The following RBFOX3 variants were observed in gnomAD, a reference collection of about 807,000 sequenced individuals.
RBFOX3 encodes RNA binding fox-1 homolog 3, also known as RNA binding protein fox-1 homolog 3.
Under a neutral mutation model 48.7 loss-of-function variants are expected in RBFOX3, and 17 were observed. The ratio of observed to expected loss-of-function variants is 0.35; its 90% CI spans 0.24 to 0.52. RBFOX3 has a LOEUF of 0.52. Ranked by LOEUF, RBFOX3 falls within the 20% of genes least tolerant of loss-of-function variation. The pLI is 0.94. For missense variants in RBFOX3, 382 were observed against 497.5 expected (o/e 0.77, Z 2.21); for synonymous variants, 212 against 209.5 (o/e 1.01, Z -0.10).
intron 1 of RBFOX3, among the ~76,000 whole-genome samples, chr17:79,567,687 G>A (rs1390079228): frequency 1.3e-5 from 2 of 152,160 alleles, no homozygotes; most frequent in East Asian, 3.8e-4. Flanking sequence ...AAATAAACTA[G>A]GTGACTCCTT....
chr17:79,124,296 A>G (rs2036570319), intron 4 of RBFOX3, among the ~76,000 whole-genome samples: 1 of 152,226 alleles, frequency 6.6e-6, no homozygotes, highest in Non-Finnish European at 1.5e-5. Context: ...GCTCCCTTCA[A>G]TCACACAGCA....
At chr17:79,584,719 T>G (rs2093183707) in intron 1 of RBFOX3, among the ~76,000 whole-genome samples, 3 of 152,174 alleles carry the variant, frequency 2.0e-5, no homozygotes, top group African/African-American at 7.2e-5. Flanking sequence ...AGCTAAGCTA[T>G]GAGGACGCAA....
rs1343500350 is a variant in RBFOX3, at chr17:79,252,570, T to C, written c.-73-16765A>G. ...ACTCTCCCTCGGAAATGAGCTCTGA[T>C]GGTTCCTCGATGGTAAACCAGTGAG... On this transcript the variant is annotated intron_variant, in intron 3 of 14. Transcript: ENST00000693108. The surrounding 1 kb of genome is among the most constrained non-coding windows in gnomAD (Gnocchi z 4.0). 6.6e-6 allele frequency among the ~76,000 whole-genome samples: 1 copy of C among 152,200 alleles called. No individual in the cohort carries two copies. The highest frequency in any genetic ancestry group is 2.4e-5 in the African/African-American group (1 of 41,454).
chr17:79,611,183 T>TCTCTCTCTCTCTC (rs2093965331), upstream of RBFOX3, among the ~76,000 whole-genome samples: 2 of 41,494 alleles, frequency 4.8e-5, no homozygotes, highest in African/African-American at 2.6e-4. Flanking sequence ...TCCGCCCTCC[T>TCTCTCTCTCTCTC]TCTCTCTCTC....
At chr17:79,201,097 C>A (rs2056683519) in intron 4 of RBFOX3, among the ~76,000 whole-genome samples, 2 of 146,868 alleles carry the variant, frequency 1.4e-5, no homozygotes, top group Admixed American at 6.6e-5. Flanking sequence ...TTCTTAACAA[C>A]AACAACGACA....
rs947932366 is a variant in RBFOX3, at chr17:79,254,997, A to G, written c.-73-19192T>C. Among the ~76,000 whole-genome samples, 2 of 152,098 alleles carry G rather than the reference A, an allele frequency of 1.3e-5. No homozygotes were observed. The highest frequency in any genetic ancestry group is 2.9e-5 in the Non-Finnish European group (2 of 68,008). On this transcript the variant is annotated intron_variant, in intron 3 of 14. Transcript: ENST00000693108. This position sits in a 1 kb window ranked among gnomAD's most constrained non-coding sequence, Gnocchi z 4.8. ...ATCCTGGGCAGGAACTGTGGGTCAG[A>G]GCGGAGGGCAGGCAGCTTGTCCTTG... is the stretch of plus-strand genomic sequence containing the variant.
At chr17:79,518,242 G>C (rs1001363664) in intron 1 of RBFOX3, among the ~76,000 whole-genome samples, 22 of 152,250 alleles carry the variant, frequency 1.4e-4, no homozygotes, top group Admixed American at 1.2e-3. Flanking sequence ...CTTGGTGTTA[G>C]AGAGGACTAT....
chr17:79,244,187 G>T (rs2062801777), intron 3 of RBFOX3, among the ~76,000 whole-genome samples: 2 of 152,148 alleles, frequency 1.3e-5, no homozygotes, highest in Admixed American at 1.3e-4. Context: ...CAATGCCCGG[G>T]GTCCTCATCA....
At chr17:79,622,349 C>A in the RBFOX3 span, among the ~76,000 whole-genome samples, 1 of 152,168 alleles carries the variant, frequency 6.6e-6, no homozygotes, top group Non-Finnish European at 1.5e-5. Flanking sequence ...CAGCCCCGTA[C>A]CCTGCACCCT....
intron 4 of RBFOX3, among the ~76,000 whole-genome samples, chr17:79,176,799 G>A (rs1448450158): frequency 6.6e-6 from 1 of 152,176 alleles, no homozygotes; most frequent in Non-Finnish European, 1.5e-5. Context: ...ATTAGGCAGG[G>A]AGGGAAGAAA....
intron 2 of RBFOX3, among the ~76,000 whole-genome samples, chr17:79,458,345 G>A (rs545404989): frequency 2.6e-5 from 4 of 152,306 alleles, no homozygotes; most frequent in African/African-American, 7.2e-5. Flanking sequence ...TCAGCTCCCC[G>A]CAATGTTGAC....
intron 4 of RBFOX3, among the ~76,000 whole-genome samples, chr17:79,124,002 T>C (rs1425294636): frequency 1.3e-5 from 2 of 152,108 alleles, no homozygotes; most frequent in African/African-American, 4.8e-5. Flanking sequence ...GACTGCCCCC[T>C]CCCACACACT....
intron 2 of RBFOX3, among the ~76,000 whole-genome samples, chr17:79,469,866 G>A (rs1356441491): frequency 6.6e-6 from 1 of 152,156 alleles, no homozygotes; most frequent in Non-Finnish European, 1.5e-5. Context: ...GCACAGGGGA[G>A]AACGTGCACA....
At chr17:79,188,219 C>T (rs941382024) in intron 4 of RBFOX3, among the ~76,000 whole-genome samples, 3 of 152,182 alleles carry the variant, frequency 2.0e-5, no homozygotes, top group African/African-American at 7.2e-5. Flanking sequence ...GCTCCCCACC[C>T]CCAACCCCCT....
At chr17:79,210,153 G>A (rs151080286) in intron 4 of RBFOX3, among the ~76,000 whole-genome samples, 1,742 of 152,370 alleles carry the variant, frequency 0.011, 17 homozygotes, top group Middle Eastern at 0.051. Context: ...CCTGCCTGGG[G>A]GGAGGGATAT....
chr17:79,112,904 C>T (rs1439713269), intron 5 of RBFOX3, among the ~76,000 whole-genome samples: 8 of 10,366 alleles, frequency 7.7e-4, no homozygotes, highest in East Asian at 6.9e-3. Context: ...AGCAGGCTCT[C>T]GGGGGGGGGG....
intron 1 of RBFOX3, among the ~76,000 whole-genome samples, chr17:79,521,337 C>T (rs1198773376): frequency 9.2e-5 from 14 of 151,788 alleles, no homozygotes; most frequent in Admixed American, 2.0e-4. Flanking sequence ...TTCATACACA[C>T]ATTCACACAC....
intron 1 of RBFOX3, among the ~76,000 whole-genome samples, chr17:79,602,918 A>T (rs1261286011): frequency 1.3e-5 from 2 of 150,194 alleles, no homozygotes; most frequent in Non-Finnish European, 3.0e-5. Flanking sequence ...CTCATCTCTG[A>T]TGATCCAATG....
chr17:79,256,812 C>CG (rs2064933686), intron 3 of RBFOX3, among the ~76,000 whole-genome samples: 2 of 151,936 alleles, frequency 1.3e-5, no homozygotes, highest in Non-Finnish European at 2.9e-5. Flanking sequence ...CCTATCTACT[C>CG]GTGGGGGGCT....
Sources: allele counts gnomAD v4.1 joint callset (sites outside exome capture counted in the v4.1 genomes callset), GRCh38; gene constraint gnomAD v4.1.1; non-coding constraint Gnocchi (gnomAD v3.1); transcripts MANE v1.5; gene names NCBI Gene and HGNC (gene_info 2026-07-23, HGNC 2026-07-21).